The following TMEM131L variants were observed in gnomAD, a reference collection of about 807,000 sequenced individuals.
TMEM131L encodes transmembrane 131 like.
Under a neutral mutation model 192.2 loss-of-function variants are expected in TMEM131L, and 54 were observed. The observed-to-expected ratio is 0.28, with a 90% CI of 0.23 to 0.35. The LOEUF is 0.35. Ranked by LOEUF, TMEM131L falls within the 10% of genes least tolerant of loss-of-function variation. TMEM131L has a pLI of 1.00. For synonymous variants in TMEM131L, 701 were observed against 704.9 expected (o/e 0.99, Z 0.09); for missense variants, 1,888 against 1,972.9 (o/e 0.96, Z 0.82).
At chr4:153,530,201 T>C (rs1207566870) in intron 3 of TMEM131L, among the ~76,000 whole-genome samples, 2 of 152,174 alleles carry the variant, frequency 1.3e-5, no homozygotes, top group Non-Finnish European at 2.9e-5. Context: ...CAGATCTTGG[T>C]AACGTGATTA....
At chr4:153,562,337 A>G (rs1247012382) in intron 7 of TMEM131L, among the ~76,000 whole-genome samples, 2 of 152,214 alleles carry the variant, frequency 1.3e-5, no homozygotes, top group South Asian at 2.1e-4. Flanking sequence ...CACCCAGCCT[A>G]AAGTATTTTT....
At chr4:153,528,759 T>C (rs995044170) in intron 3 of TMEM131L, among the ~76,000 whole-genome samples, 1 of 152,148 alleles carries the variant, frequency 6.6e-6, no homozygotes, top group Non-Finnish European at 1.5e-5. Flanking sequence ...AGAAATAGTC[T>C]TGGGGAGAGA....
rs544793631 is a variant in TMEM131L at position 153,556,057 on chromosome 4, A to G, written c.432+147A>G. The G allele has an allele frequency of 4.3e-5, 17 of 390,936 alleles. No individual in the cohort carries two copies. In the South Asian group the frequency reaches 1.5e-3, roughly 34 times the overall value. The allele number at this position is 390,936 out of a possible 1,614,324, so 24.2% of individuals were successfully genotyped here. ...TTTCCTTCTGTGTGTTTACCTTAGCATTTACTTTTCCAGTTGCTCATTTTT... is the reference window on the plus strand; with the variant it reads ...TTTCCTTCTGTGTGTTTACCTTAGCGTTTACTTTTCCAGTTGCTCATTTTT... On this transcript the variant is annotated intron_variant, in intron 5 of 34. Transcript: ENST00000409959.
At chr4:153,507,835 C>T (rs1734091638) in intron 3 of TMEM131L, among the ~76,000 whole-genome samples, 1 of 152,110 alleles carries the variant, frequency 6.6e-6, no homozygotes, top group Non-Finnish European at 1.5e-5. Context: ...CAGCTGCTCC[C>T]TTACCAGACC....
chr4:153,583,049 G>A (rs1210069746), intron 9 of TMEM131L, 141 bp from the exon 10 acceptor site: 2 of 604,476 alleles, frequency 3.3e-6, no homozygotes, highest in African/African-American at 3.9e-5. Context: ...TTTGATTTCA[G>A]TTTTGAGAAA....
At chr4:153,588,058 T>G (rs913296104) in intron 15 of TMEM131L, among the ~76,000 whole-genome samples, 1 of 145,272 alleles carries the variant, frequency 6.9e-6, no homozygotes, top group Admixed American at 6.8e-5. Context: ...TTTTTTTTTT[T>G]CAAATAACAT....
intron 3 of TMEM131L, among the ~76,000 whole-genome samples, chr4:153,546,155 T>C (rs1024859674): frequency 3.3e-5 from 5 of 151,714 alleles, no homozygotes; most frequent in Admixed American, 3.3e-4. Context: ...CCTCTTAAAG[T>C]GCGGGGATTA....
chr4:153,633,832 T>G (rs1471640570), intron 32 of TMEM131L, among the ~76,000 whole-genome samples: 1 of 152,198 alleles, frequency 6.6e-6, no homozygotes, highest in Non-Finnish European at 1.5e-5. Flanking sequence ...GAGTGGACGT[T>G]TTTAATGGAA....
chr4:153,498,595 GCTCT>G (rs1258297810), intron 3 of TMEM131L, among the ~76,000 whole-genome samples: 2 of 152,166 alleles, frequency 1.3e-5, no homozygotes, highest in African/African-American at 4.8e-5. Flanking sequence ...GTTCTTTCAA[GCTCT>G]CTCTTCACAA....
rs551451276 is a variant in TMEM131L at position 153,549,965 on chromosome 4, G to T, written c.240-108G>T. ...ATTTTATCATTTAAAATCTATGAGG[G>T]AGTAAAATTATATGTCATGCATTGA... On this transcript the variant is annotated intron_variant, in intron 3 of 34. Coordinates refer to ENST00000409959, the MANE Select transcript of TMEM131L (RefSeq NM_001131007.2). 3.6e-5 allele frequency: 17 copies of T among 468,196 alleles called. No individual in the cohort carries two copies. The Admixed American group carries it at 5.0e-4, about 14-fold the overall frequency. The allele number at this position is 468,196 out of a possible 1,614,324, so 29.0% of individuals were successfully genotyped here.
chr4:153,620,987 A>C (rs569360318), intron 27 of TMEM131L, 107 bp downstream of exon 27: 11 of 735,104 alleles, frequency 1.5e-5, no homozygotes, highest in Non-Finnish European at 2.5e-5. Flanking sequence ...GATACCGATA[A>C]TATGAGAGTG....
intron 3 of TMEM131L, among the ~76,000 whole-genome samples, chr4:153,516,381 C>T (rs942168615): frequency 3.3e-5 from 5 of 152,108 alleles, no homozygotes; most frequent in Admixed American, 3.3e-4. Context: ...AGGCATGCAC[C>T]ACTGTGCCGG....
intron 16 of TMEM131L, among the ~76,000 whole-genome samples, chr4:153,590,550 G>T (rs1188832398): frequency 6.6e-6 from 1 of 152,170 alleles, no homozygotes; most frequent in African/African-American, 2.4e-5. Flanking sequence ...GTTCCCTAAG[G>T]ATGTTTTATC....
At chr4:153,579,629 G>A (rs541766667) in intron 7 of TMEM131L, among the ~76,000 whole-genome samples, 6 of 151,930 alleles carry the variant, frequency 3.9e-5, no homozygotes, top group East Asian at 1.9e-4. Context: ...ACATCACCAC[G>A]CCTGGCTAAT....
intron 2 of TMEM131L, 146 bp downstream of exon 2, chr4:153,467,427 A>G (rs957433195): frequency 7.2e-6 from 5 of 693,722 alleles, no homozygotes; most frequent in Non-Finnish European, 1.2e-5. Context: ...CCGAGCCTGA[A>G]CACCTGGCAA....
chr4:153,495,082 G>A (rs146755135), intron 3 of TMEM131L, among the ~76,000 whole-genome samples: 43 of 152,294 alleles, frequency 2.8e-4, no homozygotes, highest in African/African-American at 8.9e-4. Flanking sequence ...TTGGGAGGCC[G>A]AGGCGGTGGA....
At chr4:153,476,961 T>C (rs1454606677) in intron 3 of TMEM131L, among the ~76,000 whole-genome samples, 1 of 152,168 alleles carries the variant, frequency 6.6e-6, no homozygotes, top group African/African-American at 2.4e-5. Context: ...ACGCCCACAA[T>C]TGTAAATGTG....
intron 16 of TMEM131L, among the ~76,000 whole-genome samples, chr4:153,590,738 C>T (rs1327899891): frequency 6.6e-6 from 1 of 152,046 alleles, no homozygotes; most frequent in Non-Finnish European, 1.5e-5. Flanking sequence ...CAGTGTTGTA[C>T]TCTCTTACCA....
intron 21 of TMEM131L, 98 bp from the exon 22 acceptor site, chr4:153,602,054 C>T: frequency 1.4e-6 from 1 of 704,416 alleles, no homozygotes; most frequent in Non-Finnish European, 2.2e-6. Flanking sequence ...TAATGTAGAT[C>T]ATGGTTTGGT....
Sources: gnomAD v4.1 joint callset for allele counts (sites outside exome capture counted in the v4.1 genomes callset) on GRCh38, gnomAD v4.1.1 for gene constraint, MANE v1.5 for transcripts, NCBI Gene and HGNC (gene_info 2026-07-23, HGNC 2026-07-21) for gene names.